Variants in LILRA4 observed in about 807,000 individuals in gnomAD.
LILRA4 encodes leukocyte immunoglobulin-like receptor subfamily A member 4.
Under a neutral mutation model 49.5 loss-of-function variants are expected in LILRA4, and 51 were observed. The observed-to-expected ratio is 1.03, with a 90% confidence interval of 0.82 to 1.30. The LOEUF (loss-of-function observed/expected upper bound fraction) is 1.30. Among genes scored for constraint, LILRA4 ranks in the 50% most tolerant of loss-of-function variants. LILRA4 has a pLI of 0.00. For synonymous variants in LILRA4, 272 were observed against 265.6 expected, an observed-to-expected ratio of 1.02 and a Z score of -0.23; for missense variants, 624 against 625.6, an observed-to-expected ratio of 1.00 and a Z score of 0.03.
chr19:54,336,766 A>G (rs753846281), intron 6 of LILRA4, 75 bp downstream of exon 6: 4 of 1,549,586 alleles, frequency 2.6e-6, no homozygotes, highest in African/African-American at 2.9e-5. Context: ...ACAGACGGAC[A>G]CTCTCTTGGA....
In LILRA4 at chr19:54,336,911, G is replaced by A; in HGVS notation, c.1185C>T (p.Cys395=). 6.2e-7 allele frequency: 1 copy of A among 1,614,236 alleles called. No homozygotes were observed. The highest frequency in any genetic ancestry group is 8.5e-7 in the Non-Finnish European group (1 of 1,180,030). The stretch of plus-strand genomic sequence containing the variant: ...AGGGGTTGGAGCTGCGTGAGCCGTA[G>A]CACCTGTAGGTCCCCGCGTGGGCTG... ...VTSAHAGTYR[C]YGSRSSNPYL... The change falls in exon 6 of 8, where the codon TGC becomes TGT. Residue 395 remains cysteine (C), a synonymous_variant. Transcript: ENST00000291759.
In LILRA4 at chr19:54,336,890, G is replaced by T. The variant is rs759339300; in HGVS notation, c.1206C>A (p.Asn402Lys). 22 of 1,614,116 alleles carry T rather than the reference G, an allele frequency of 1.4e-5. No homozygotes were observed. Among genetic ancestry groups the T allele is most frequent in the Non-Finnish European group, 1.4e-5 (17 of 1,180,040 alleles). The change falls in exon 6 of 8, where the codon AAC (asparagine) becomes AAA (lysine). Residue 402 changes from asparagine to lysine, a missense_variant. By Grantham distance (94) the Asn-to-Lys change is moderately conservative (BLOSUM62 0). Transcript: ENST00000291759. ...CACTGGGGTGAGACAGCAGGTAGGG[G>T]TTGGAGCTGCGTGAGCCGTAGCACC... ...TYRCYGSRSS[N>K]PYLLSHPSEP...
rs1214058815 is a variant in LILRA4 at position 54,337,533 on chromosome 19, A to C, written c.819T>G (p.Ala273=). 5.0e-6 allele frequency: 8 copies of C among 1,613,084 alleles called. No individual in the cohort carries two copies. The highest frequency in any genetic ancestry group is 6.8e-6 in the Non-Finnish European group (8 of 1,179,932). Residue 273 remains alanine, a synonymous_variant, in exon 5 of 8, where the codon GCT becomes GCG. Coordinates refer to ENST00000291759, the MANE Select transcript of LILRA4 (RefSeq NM_012276.5). The part of the protein sequence containing the change: ...LPQRPGRQPQ[A]GLSQANFTLS... The stretch of plus-strand genomic sequence containing the variant: ...GGGTGAAGTTGGCCTGGGAGAGCCC[A>C]GCCTGGGGCTGCCGGCCAGGGCGCT...
rs1259340214 is a variant in LILRA4, at chr19:54,337,447, G to A, written c.905C>T (p.Ser302Phe). 2 of 1,611,868 alleles carry A rather than the reference G, an allele frequency of 1.2e-6. No homozygotes were observed. The highest frequency in any genetic ancestry group is 8.5e-7 in the Non-Finnish European group (1 of 1,179,874). The part of the protein sequence containing the change: ...QYRCYGAHNV[S>F]SEWSAPSDPL... Reference sequence around the variant, plus strand: ...GTCACTGGGGGCCGACCACTCGGAGGAGACGTTGTGTGCGCCGTAGCATCT... The same window carrying A: ...GTCACTGGGGGCCGACCACTCGGAGAAGACGTTGTGTGCGCCGTAGCATCT... Residue 302 changes from serine to phenylalanine, a missense_variant, in exon 5 of 8, where the codon TCC becomes TTC. By Grantham distance (155) the Ser-to-Phe change is radical. Transcript: ENST00000291759.
At position 54,337,560 on chromosome 19, in the gene LILRA4, G is replaced by A. The variant is rs1333156854; in HGVS notation, c.792C>T (p.Pro264=). ...TLYKEGADGL[P]QRPGRQPQAG... The stretch of plus-strand genomic sequence containing the variant: ...CCTGGGGCTGCCGGCCAGGGCGCTG[G>A]GGGAGGCCATCGGCCCCCTCCTTGT... Residue 264 remains proline, a synonymous_variant, in exon 5 of 8, where the codon CCC becomes CCT. Transcript: ENST00000291759. The A allele has an allele frequency of 6.2e-7, 1 of 1,613,284 alleles. No individual in the cohort carries two copies.
chr19:54,334,995 A>AT (rs1361405909), intron 6 of LILRA4: 18 of 151,688 alleles, frequency 1.2e-4, no homozygotes, highest in African/African-American at 4.4e-4. Context: ...AAATAAAATA[A>AT]AATAATAATA....
At chr19:54,333,866 C>A (rs1179572608) in intron 7 of LILRA4, 49 bp downstream of exon 7, 1 of 1,611,478 alleles carries the variant, frequency 6.2e-7, no homozygotes, top group Non-Finnish European at 8.5e-7. Context: ...CTTGACAGGA[C>A]CTGACCCTCT....
rs1286239547 is a variant in LILRA4 at position 54,338,231 on chromosome 19, G to A, written c.360C>T (p.Tyr120=). 6 of 1,606,116 alleles carry A rather than the reference G, an allele frequency of 3.7e-6. No individual in the cohort carries two copies. In the East Asian group the frequency reaches 6.7e-5, roughly 18 times the overall value. ...GCAGTGCGGACAGGGTGGGTCTGCT[G>A]TAGGCTTTCAAGAGAAAAAAAGGCA... ...SDPLELVVTA[Y]SRPTLSALPS... Residue 120 remains tyrosine (Y), a synonymous_variant, in exon 4 of 8, where the codon TAC becomes TAT. Transcript: ENST00000291759.
Position 54,338,001 on chromosome 19 carries a change from C to A in LILRA4, c.590G>T (p.Gly197Val), listed in dbSNP as rs148952697. 1 of 1,613,970 alleles carries A rather than the reference C, an allele frequency of 6.2e-7. No individual in the cohort carries two copies. The change falls in exon 4 of 8, where the codon GGC becomes GTC. Residue 197 changes from glycine to valine, a missense_variant. Transcript: ENST00000291759. The stretch of plus-strand genomic sequence containing the variant: ...CACGTATGGGGTGTTGTTTTCATAG[C>A]CGTAGCATCTGAATGTACCCCTGTT... ...FSNRGTFRCY[G>V]YENNTPYVWS... is the part of the protein sequence containing the mutation.
At position 54,333,968 on chromosome 19, in the gene LILRA4, A is replaced by C; in HGVS notation, c.1256-3T>G. The C allele has an allele frequency of 6.2e-7, 1 of 1,613,180 alleles. No individual in the cohort carries two copies. The highest frequency in any genetic ancestry group is 8.5e-7 in the Non-Finnish European group (1 of 1,179,122). On this transcript the variant is annotated splice_polypyrimidine_tract_variant and splice_region_variant and intron_variant, in intron 6 of 7. Coordinates refer to ENST00000291759, the MANE Select transcript of LILRA4 (RefSeq NM_012276.5). Reference sequence around the variant, plus strand: ...TGGATTGAGGGTCTCAGTTGCTCCTAAGAATCAAAGAATAAGGATGTTGGT... The same window carrying C: ...TGGATTGAGGGTCTCAGTTGCTCCTCAGAATCAAAGAATAAGGATGTTGGT...
At chr19:54,336,338 G>A (rs2081323404) in intron 6 of LILRA4, 1 of 181,736 alleles carries the variant, frequency 5.5e-6, no homozygotes, top group Non-Finnish European at 1.2e-5. Context: ...CACGGGGTCA[G>A]GACTTAGAGG....
chr19:54,337,830 T>A, intron 4 of LILRA4, 106 bp downstream of exon 4: 1 of 1,446,746 alleles, frequency 6.9e-7, no homozygotes, highest in African/African-American at 1.4e-5. Flanking sequence ...AGGGCCCCCA[T>A]CTTCCCCTCA....
In LILRA4 at chr19:54,339,094, G is replaced by A; in HGVS notation, c.-1C>T. On this transcript the variant is annotated 5_prime_UTR_variant, in exon 1 of 8. Coordinates refer to ENST00000291759, the MANE Select transcript of LILRA4 (RefSeq NM_012276.5). ...GCAGGCTTGTGAGAATGAGGGTCATGGCATCTCCTCCTCCTGGCCCTGGCT... is the reference window on the plus strand; with the variant it reads ...GCAGGCTTGTGAGAATGAGGGTCATAGCATCTCCTCCTCCTGGCCCTGGCT... 3 of 1,614,154 alleles carry A rather than the reference G, an allele frequency of 1.9e-6. No individual in the cohort carries two copies. Among genetic ancestry groups the A allele is most frequent in the Non-Finnish European group, 2.5e-6 (3 of 1,180,012 alleles).
rs570495571 is a variant in LILRA4, at chr19:54,333,331, A to G, written c.*241T>C. The G allele has an allele frequency of 1.0e-5, 6 of 573,836 alleles. No homozygotes were observed. The highest frequency in any genetic ancestry group is 1.9e-5 in the African/African-American group (1 of 53,352). The allele number at this position is 573,836 out of a possible 1,614,324, so 35.5% of individuals were successfully genotyped here. On this transcript the variant is annotated 3_prime_UTR_variant, in exon 8 of 8. Transcript: ENST00000291759. ...AAAGTGGAGCAGAGCATGAGGTCACAGAGGGGCGGACCCAAACCCACCATA... is the reference window on the plus strand; with the variant it reads ...AAAGTGGAGCAGAGCATGAGGTCACGGAGGGGCGGACCCAAACCCACCATA...
Position 54,333,914 on chromosome 19 carries a change from C to T in LILRA4, c.1306+1G>A. ...ATAACTGGGAGAATCTCCTCACTCA[C>T]CAGTCTTGGAATCTGACTTCTTTTG... is the stretch of plus-strand genomic sequence containing the variant. On this transcript the variant is annotated splice_donor_variant, in intron 7 of 7. Transcript: ENST00000291759. LOFTEE classifies it high-confidence loss of function. 6.2e-7 allele frequency: 1 copy of T among 1,613,940 alleles called. No individual in the cohort carries two copies. Among genetic ancestry groups the T allele is most frequent in the Non-Finnish European group, 8.5e-7 (1 of 1,179,802 alleles).
intron 6 of LILRA4, chr19:54,334,798 C>T (rs1435438941): frequency 7.0e-5 from 9 of 128,994 alleles, no homozygotes; most frequent in Admixed American, 2.5e-4. Flanking sequence ...AACCCCATCT[C>T]TACTAAAAAT....
At position 54,337,618 on chromosome 19, in the gene LILRA4, C is replaced by A. The variant is rs770710314; in HGVS notation, c.734G>T (p.Gly245Val). Residue 245 changes from glycine to valine, a missense_variant, in exon 5 of 8, where the codon GGC becomes GTC. Gly to Val is a moderately radical substitution (Grantham distance 109). Coordinates refer to ENST00000291759, the MANE Select transcript of LILRA4 (RefSeq NM_012276.5). Reference protein sequence around the residue: ...TPGENLTLQCGSDVGYIRYTL... With the variant: ...TPGENLTLQCVSDVGYIRYTL... ...GTATCTGATGTAGCCGACATCAGAGCCACACTGGAGGGTCAGATTCTCTCC... is the reference window on the plus strand; with the variant it reads ...GTATCTGATGTAGCCGACATCAGAGACACACTGGAGGGTCAGATTCTCTCC... 5 of 1,613,722 alleles carry A rather than the reference C, an allele frequency of 3.1e-6. No homozygotes were observed. The highest frequency in any genetic ancestry group is 3.3e-5 in the Admixed American group (2 of 59,992).
At position 54,333,605 on chromosome 19, in the gene LILRA4, G is replaced by A. The variant is rs746758591; in HGVS notation, c.1467C>T (p.Pro489=). 5 of 1,614,022 alleles carry A rather than the reference G, an allele frequency of 3.1e-6. No homozygotes were observed. Among genetic ancestry groups the A allele is most frequent in the Non-Finnish European group, 4.2e-6 (5 of 1,180,044 alleles). ...GTTCCCAAGGCTCCACCACTCTGAA[G>A]GGTGCATTGTCCTTTCTGCTGTTTG... ...QEANSRKDNA[P]FRVVEPWEQI The change falls in exon 8 of 8, where the codon CCC becomes CCT. Residue 489 remains proline (P), a synonymous_variant. Transcript: ENST00000291759.
rs2122196050 is a variant in LILRA4, at chr19:54,338,078, G to A, written c.513C>T (p.His171=). The change falls in exon 4 of 8, where the codon CAC becomes CAT. Residue 171 remains histidine (H), a synonymous_variant. Transcript: ENST00000291759. The part of the protein sequence containing the change: ...RLSWTLNSHQ[H]NHGKFQALFP... The stretch of plus-strand genomic sequence containing the variant: ...ACAGGGCCTGGAACTTTCCATGGTT[G>A]TGTTGGTGTGAGTTCAGGGTCCAGG... 6.2e-7 allele frequency: 1 copy of A among 1,614,122 alleles called. No homozygotes were observed. Among genetic ancestry groups the A allele is most frequent in the Non-Finnish European group, 8.5e-7 (1 of 1,180,002 alleles).
Sources: allele counts gnomAD v4.1 joint callset, GRCh38; gene constraint gnomAD v4.1.1; transcripts MANE v1.5; gene names NCBI Gene and HGNC (gene_info 2026-07-23, HGNC 2026-07-21).